XIRP2: variants seen among roughly 807,000 people sequenced by gnomAD.
The protein encoded by XIRP2 is xin actin-binding repeat-containing protein 2.
In XIRP2, 236 loss-of-function variants were observed where a neutral mutation model predicts 277.0. The observed-to-expected ratio is 0.85, with a 90% CI of 0.77 to 0.95. The LOEUF is 0.95. Ranked by LOEUF, XIRP2 falls within the 40% of genes least tolerant of loss-of-function variation. The pLI is 0.00. For synonymous variants in XIRP2, 1,490 were observed against 1,416.5 expected (o/e 1.05, Z -1.17); for missense variants, 4,640 against 4,157.5 (o/e 1.12, Z -3.19).
chr2:166,939,187 C>T (rs1371337983), intron 2 of XIRP2, among the ~76,000 whole-genome samples: 4 of 152,116 alleles, frequency 2.6e-5, no homozygotes, highest in Admixed American at 6.6e-5. Context: ...TTCCTAGCAT[C>T]GATGGTCTTT....
At chr2:166,986,294 G>C (rs1200274546) in intron 2 of XIRP2, among the ~76,000 whole-genome samples, 1 of 152,154 alleles carries the variant, frequency 6.6e-6, no homozygotes, top group East Asian at 1.9e-4. Context: ...TCAATATAGA[G>C]TGAGACTCAT....
chr2:167,165,970 C>T (rs745528516), intron 3 of XIRP2, among the ~76,000 whole-genome samples: 39 of 152,112 alleles, frequency 2.6e-4, no homozygotes, highest in Admixed American at 1.6e-3. Context: ...TAGTTTTGCA[C>T]TTTACATTTA....
Position 167,248,846 on chromosome 2 carries a change from G to C in XIRP2, c.7454G>C (p.Ser2485Thr). ...TETKQNVISK[S>T]LDERKQLSID... is the part of the protein sequence containing the mutation. ...ACAAAGCAGAACGTTATTAGTAAGA[G>C]TCTTGATGAAAGAAAACAATTATCT... The change falls in exon 9 of 11, where the codon AGT becomes ACT. Residue 2485 changes from serine to threonine, a missense_variant. By Grantham distance (58) the Ser-to-Thr change is moderately conservative (BLOSUM62 1). Coordinates refer to ENST00000409195, the MANE Select transcript of XIRP2 (RefSeq NM_152381.6). The C allele has an allele frequency of 6.2e-7, 1 of 1,613,544 alleles. No individual in the cohort carries two copies. Among genetic ancestry groups the C allele is most frequent in the Non-Finnish European group, 8.5e-7 (1 of 1,179,770 alleles).
At chr2:167,141,722 C>T (rs192334348) in intron 3 of XIRP2, among the ~76,000 whole-genome samples, 1 of 152,114 alleles carries the variant, frequency 6.6e-6, no homozygotes, top group African/African-American at 2.4e-5. Flanking sequence ...ATTAGCTGGG[C>T]TTGCGGCACA....
intron 2 of XIRP2, among the ~76,000 whole-genome samples, chr2:167,016,210 C>T (rs1687825004): frequency 6.6e-6 from 1 of 151,816 alleles, no homozygotes; most frequent in South Asian, 2.1e-4. Context: ...TCCTCATATT[C>T]TCCAATCAAT....
At chr2:167,122,994 A>G (rs1691099229) in intron 2 of XIRP2, among the ~76,000 whole-genome samples, 1 of 152,196 alleles carries the variant, frequency 6.6e-6, no homozygotes, top group African/African-American at 2.4e-5. Context: ...GAGAACCTAA[A>G]AATCTGTCAG....
At chr2:167,228,092 T>A (rs1235751168) in intron 5 of XIRP2, among the ~76,000 whole-genome samples, 2 of 152,188 alleles carry the variant, frequency 1.3e-5, no homozygotes. Flanking sequence ...ACTAAACCAC[T>A]GTGTGGACTT....
intron 3 of XIRP2, among the ~76,000 whole-genome samples, chr2:167,178,020 C>G (rs369623412): frequency 6.7e-6 from 1 of 148,516 alleles, no homozygotes; most frequent in South Asian, 2.1e-4. Flanking sequence ...TGATTTGCAA[C>G]ATTATTCAGT....
chr2:166,980,240 TTACTC>T (rs1213468746), intron 2 of XIRP2, among the ~76,000 whole-genome samples: 1 of 152,240 alleles, frequency 6.6e-6, no homozygotes, highest in South Asian at 2.1e-4. Flanking sequence ...TTTTTCTTGA[TTACTC>T]TAAGAGTTTT....
intron 2 of XIRP2, among the ~76,000 whole-genome samples, chr2:167,125,721 TG>T (rs1353285272): frequency 2.6e-5 from 4 of 152,150 alleles, no homozygotes; most frequent in Admixed American, 6.6e-5. Context: ...ATAGGAAATA[TG>T]GTGAGTAAAA....
chr2:166,997,048 T>C (rs1001994765), intron 2 of XIRP2, among the ~76,000 whole-genome samples: 3 of 152,190 alleles, frequency 2.0e-5, no homozygotes, highest in Admixed American at 1.3e-4. Context: ...TTTCTTTGTG[T>C]TGCTTATACT....
chr2:167,126,130 C>T (rs1331476443), intron 2 of XIRP2, among the ~76,000 whole-genome samples: 2 of 152,068 alleles, frequency 1.3e-5, no homozygotes, highest in African/African-American at 2.4e-5. Context: ...AGCTGCAAGG[C>T]TTCTTTCTTC....
intron 2 of XIRP2, among the ~76,000 whole-genome samples, chr2:166,980,921 A>G (rs1686849859): frequency 6.6e-6 from 1 of 152,016 alleles, no homozygotes; most frequent in African/African-American, 2.4e-5. Flanking sequence ...TCAAATGTTT[A>G]GCACTCTCTC....
At chr2:167,204,073 A>G (rs1364602049) in intron 3 of XIRP2, among the ~76,000 whole-genome samples, 2 of 152,118 alleles carry the variant, frequency 1.3e-5, no homozygotes, top group South Asian at 2.1e-4. Flanking sequence ...GCTGGTATCT[A>G]TGATTGCTTC....
At chr2:166,952,756 C>T (rs1196499532) in intron 2 of XIRP2, among the ~76,000 whole-genome samples, 2 of 151,700 alleles carry the variant, frequency 1.3e-5, no homozygotes, top group Non-Finnish European at 2.9e-5. Flanking sequence ...TTCTAAAAGT[C>T]TCATTTCAAA....
chr2:167,185,799 A>G (rs1693137044), intron 3 of XIRP2, among the ~76,000 whole-genome samples: 1 of 152,172 alleles, frequency 6.6e-6, no homozygotes, highest in Non-Finnish European at 1.5e-5. Context: ...TGGAGTAATA[A>G]CAATGTAAGT....
rs529407019 is a variant in XIRP2 at position 167,003,475 on chromosome 2, G to A, written c.408+99585G>A. Among the ~76,000 whole-genome samples the A allele has an allele frequency of 4.6e-5, 7 of 151,966 alleles. No individual in the cohort carries two copies. The East Asian group carries it at 1.4e-3, about 29-fold the overall frequency. On this transcript the variant is annotated intron_variant, in intron 2 of 10. Coordinates refer to ENST00000409195, the MANE Select transcript of XIRP2 (RefSeq NM_152381.6). ...ATGTTTCAATACATTTTATCATCAA[G>A]TATCTGTGTGTGGAGAGAGGTGGTG...
At chr2:167,174,843 C>T (rs746911168) in intron 3 of XIRP2, among the ~76,000 whole-genome samples, 3 of 151,978 alleles carry the variant, frequency 2.0e-5, no homozygotes, top group Non-Finnish European at 2.9e-5. Context: ...TATTATATAC[C>T]CAGTAGTCAT....
At chr2:167,179,026 A>T (rs1692933826) in intron 3 of XIRP2, among the ~76,000 whole-genome samples, 1 of 152,152 alleles carries the variant, frequency 6.6e-6, no homozygotes, top group Non-Finnish European at 1.5e-5. Flanking sequence ...ATGACACAGG[A>T]TATATTTTAA....
Sources: gnomAD v4.1 joint callset for allele counts (sites outside exome capture counted in the v4.1 genomes callset) on GRCh38, gnomAD v4.1.1 for gene constraint, MANE v1.5 for transcripts, NCBI Gene and HGNC (gene_info 2026-07-23, HGNC 2026-07-21) for gene names.